The following WDFY4 variants were observed in gnomAD, a reference collection of about 807,000 sequenced individuals.
WDFY4 encodes WDFY family member 4.
WDFY4 carries 169 observed loss-of-function variants against 351.9 expected under a neutral mutation model. The ratio of observed to expected loss-of-function variants is 0.48; its 90% CI spans 0.42 to 0.55. WDFY4 has a LOEUF of 0.55. WDFY4 is among the 20% of genes least tolerant of loss of function. The pLI, the probability that WDFY4 is intolerant of heterozygous loss-of-function variation, is 0.00. For synonymous variants in WDFY4, 1,622 were observed against 1,574.6 expected, an observed-to-expected ratio of 1.03 and a Z score of -0.71; for missense variants, 3,803 against 3,935.6, an observed-to-expected ratio of 0.97 and a Z score of 0.90.
chr10:48,696,403 C>T (rs1474932583), intron 1 of WDFY4, among the ~76,000 whole-genome samples: 1 of 152,246 alleles, frequency 6.6e-6, no homozygotes, highest in African/African-American at 2.4e-5. Flanking sequence ...ATGTGGCATT[C>T]CCCCAACACA....
intron 4 of WDFY4, among the ~76,000 whole-genome samples, chr10:48,721,930 C>G (rs574307097): frequency 6.6e-6 from 1 of 152,308 alleles, no homozygotes; most frequent in East Asian, 1.9e-4. Flanking sequence ...GTCTCGCCCT[C>G]GCCCAGAGAT....
At chr10:48,751,894 G>A (rs1468703242) in intron 12 of WDFY4, among the ~76,000 whole-genome samples, 1 of 152,152 alleles carries the variant, frequency 6.6e-6, no homozygotes, top group Admixed American at 6.5e-5. Context: ...AAATGATGAG[G>A]CTTCACTGGT....
intron 52 of WDFY4, 84 bp downstream of exon 52, chr10:48,957,366 T>C (rs3750867): frequency 0.49 from 726,026 of 1,491,370 alleles, 179,050 homozygotes; most frequent in East Asian, 0.69. Flanking sequence ...CAACATCATC[T>C]GGACCTTTGC....
chr10:48,937,036 G>A (rs1403592776), intron 47 of WDFY4, among the ~76,000 whole-genome samples: 1 of 151,560 alleles, frequency 6.6e-6, no homozygotes, highest in African/African-American at 2.4e-5. Context: ...TGGGATTACA[G>A]GCACCCACCA....
At chr10:48,887,248 A>G (rs2070494713) in intron 43 of WDFY4, among the ~76,000 whole-genome samples, 1 of 152,204 alleles carries the variant, frequency 6.6e-6, no homozygotes, top group Non-Finnish European at 1.5e-5. Context: ...GGAGGCACAT[A>G]GGCCAGGGCT....
rs755694463 is a variant in WDFY4 at position 48,786,624 on chromosome 10, T to G, written c.3577-15T>G. On this transcript the variant is annotated splice_polypyrimidine_tract_variant and intron_variant, in intron 19 of 61. Transcript: ENST00000325239. ...GATCAAACACTACTCACTCTTGTCCTTTTTATTTTAACAGATGTTATACAT... is the reference window on the plus strand; with the variant it reads ...GATCAAACACTACTCACTCTTGTCCGTTTTATTTTAACAGATGTTATACAT... 2 of 1,544,574 alleles carry G rather than the reference T, an allele frequency of 1.3e-6. No homozygotes were observed. Among genetic ancestry groups the G allele is most frequent in the African/African-American group, 1.4e-5 (1 of 72,668 alleles).
At chr10:48,721,987 C>T (rs1343531950) in intron 4 of WDFY4, among the ~76,000 whole-genome samples, 1 of 152,196 alleles carries the variant, frequency 6.6e-6, no homozygotes, top group Non-Finnish European at 1.5e-5. Flanking sequence ...CACCGCATGC[C>T]AGGAACACAG....
chr10:48,707,719 T>A (rs1195613274), intron 1 of WDFY4, among the ~76,000 whole-genome samples: 1 of 152,172 alleles, frequency 6.6e-6, no homozygotes, highest in East Asian at 1.9e-4. Flanking sequence ...GGAAATCAGG[T>A]GCTGTGTGTC....
intron 58 of WDFY4, among the ~76,000 whole-genome samples, chr10:48,976,310 T>G (rs968709054): frequency 2.6e-5 from 4 of 152,218 alleles, no homozygotes; most frequent in African/African-American, 9.6e-5. Flanking sequence ...AATGGGGAAA[T>G]TTCTCCTTAG....
intron 44 of WDFY4, among the ~76,000 whole-genome samples, chr10:48,896,819 C>T (rs553331337): frequency 6.6e-6 from 1 of 152,316 alleles, no homozygotes; most frequent in East Asian, 1.9e-4. Flanking sequence ...CAGCCACAGG[C>T]CACACCTGAC....
chr10:48,890,783 A>G lies in WDFY4; in HGVS notation c.7316+56A>G. On this transcript the variant is annotated intron_variant, in intron 44 of 61. Coordinates refer to ENST00000325239, the MANE Select transcript of WDFY4 (RefSeq NM_001394531.1). Reference sequence around the variant, plus strand: ...TCCCTGAGCCCCATTCATCCTTACCAGCCGCCCCCACTATTCCCCTTCTCA... The same window carrying G: ...TCCCTGAGCCCCATTCATCCTTACCGGCCGCCCCCACTATTCCCCTTCTCA... The G allele has an allele frequency of 3.9e-6, 6 of 1,545,106 alleles. No homozygotes were observed. The East Asian group carries it at 1.5e-4, about 38-fold the overall frequency.
rs1468182839 is a variant in WDFY4, at chr10:48,733,293, C to CT, written c.1583-637dup. Among the ~76,000 whole-genome samples, 6 of 150,640 alleles carry CT rather than the reference C, an allele frequency of 4.0e-5. No individual in the cohort carries two copies. In the Admixed American group the frequency reaches 4.0e-4, roughly 10 times the overall value. On this transcript the variant is annotated intron_variant, in intron 9 of 61. Transcript: ENST00000325239. ...TACTCTGTCTCCTGGTTTATAAACTCTATTTTCATTCATTCATTCATTCAT... is the reference window on the plus strand; with the variant it reads ...TACTCTGTCTCCTGGTTTATAAACTCTTATTTTCATTCATTCATTCATTCAT...
chr10:48,735,163 C>T (rs1444076675), intron 10 of WDFY4, among the ~76,000 whole-genome samples: 1 of 152,096 alleles, frequency 6.6e-6, no homozygotes, highest in African/African-American at 2.4e-5. Context: ...TTGGAAAAAT[C>T]CTGTCTGCTC....
At chr10:48,976,221 G>A (rs77224068) in intron 58 of WDFY4, among the ~76,000 whole-genome samples, 1,640 of 152,350 alleles carry the variant, frequency 0.011, 34 homozygotes, top group African/African-American at 0.037. Flanking sequence ...ATGGCCCCAG[G>A]ACCTTGGTGA....
intron 39 of WDFY4, among the ~76,000 whole-genome samples, chr10:48,857,254 A>G (rs528667968): frequency 6.6e-6 from 1 of 152,236 alleles, no homozygotes; most frequent in Admixed American, 6.5e-5. Context: ...CACACAAACT[A>G]TTAAAAAAAG....
Position 48,969,234 on chromosome 10 carries a change from T to C in WDFY4, c.8755T>C (p.Tyr2919His). The change falls in exon 56 of 62, where the codon TAC (tyrosine) becomes CAC (histidine). Residue 2919 changes from tyrosine (Y) to histidine (H), a missense_variant. This residue lies in a region of WDFY4 where 3,054 missense variants were observed against 3,148.6 expected (regional missense o/e 0.97). Coordinates refer to ENST00000325239, the MANE Select transcript of WDFY4 (RefSeq NM_001394531.1). ...FDDFSCCLGS[Y>H]GSDKVLMTFE... ...TGACTTCAGCTGCTGCTTGGGGAGC[T>C]ACGGCTCCGACAAGGTGAGGGGGCT... The C allele has an allele frequency of 6.4e-7, 1 of 1,551,406 alleles. No homozygotes were observed.
chr10:48,904,049 A>T (rs1453425867), intron 47 of WDFY4, among the ~76,000 whole-genome samples: 1 of 152,230 alleles, frequency 6.6e-6, no homozygotes, highest in African/African-American at 2.4e-5. Context: ...TGTTGTTGGT[A>T]GGCCAAGTGG....
chr10:48,711,857 C>G (rs532388746), intron 2 of WDFY4, among the ~76,000 whole-genome samples: 1 of 152,218 alleles, frequency 6.6e-6, no homozygotes, highest in Non-Finnish European at 1.5e-5. Context: ...AATCAGATTT[C>G]TAATTTATCT....
chr10:48,920,820 C>T (rs532971410), intron 47 of WDFY4, among the ~76,000 whole-genome samples: 1 of 152,288 alleles, frequency 6.6e-6, no homozygotes, highest in South Asian at 2.1e-4. Flanking sequence ...CCATAGGATA[C>T]AAGGTTAGCA....
Sources: gnomAD v4.1 joint callset for allele counts (sites outside exome capture counted in the v4.1 genomes callset) on GRCh38, gnomAD v4.1.1 for gene constraint, gnomAD v4.1.1 regional missense constraint, MANE v1.5 for transcripts, NCBI Gene and HGNC (gene_info 2026-07-23, HGNC 2026-07-21) for gene names.